FNDC3B: variants seen among roughly 807,000 people sequenced by gnomAD.
FNDC3B encodes the protein fibronectin type III domain containing 3B.
In FNDC3B, 12 loss-of-function variants were observed where a neutral mutation model predicts 151.5. The observed-to-expected ratio is 0.08, with a 90% confidence interval of 0.05 to 0.13. The LOEUF (loss-of-function observed/expected upper bound fraction) is 0.13. FNDC3B is among the 10% of genes least tolerant of loss of function. The pLI is 1.00. For missense variants in FNDC3B, 1,214 were observed against 1,505.3 expected (o/e 0.81, Z 3.20); for synonymous variants, 528 against 549.0 (o/e 0.96, Z 0.54).
At chr3:172,070,328 A>G (rs1266851243) in intron 1 of FNDC3B, among the ~76,000 whole-genome samples, 1 of 152,190 alleles carries the variant, frequency 6.6e-6, no homozygotes, top group Non-Finnish European at 1.5e-5. Context: ...AATAGGGTAC[A>G]TCTTGGACTC....
chr3:172,253,008 A>G (rs978130333), intron 6 of FNDC3B, among the ~76,000 whole-genome samples: 5 of 152,220 alleles, frequency 3.3e-5, no homozygotes, highest in African/African-American at 1.2e-4. Context: ...ACTATACAAG[A>G]ACTCATACTA....
chr3:172,265,393 T>C (rs1180771498), intron 6 of FNDC3B, among the ~76,000 whole-genome samples: 1 of 152,174 alleles, frequency 6.6e-6, no homozygotes. Flanking sequence ...GCTAGGATGT[T>C]TTTTGCAAAT....
intron 3 of FNDC3B, among the ~76,000 whole-genome samples, chr3:172,157,804 G>T (rs1485408946): frequency 6.6e-6 from 1 of 152,174 alleles, no homozygotes; most frequent in African/African-American, 2.4e-5. Flanking sequence ...TTCTGGCTTT[G>T]CTTGAACATG....
At chr3:172,304,100 T>A (rs1435446338) in intron 9 of FNDC3B, among the ~76,000 whole-genome samples, 11 of 152,204 alleles carry the variant, frequency 7.2e-5, no homozygotes, top group Admixed American at 7.2e-4. Flanking sequence ...TTTACTTTTA[T>A]CCTCACTGCC....
intron 14 of FNDC3B, among the ~76,000 whole-genome samples, chr3:172,334,286 C>T (rs1732836226): frequency 6.6e-6 from 1 of 151,668 alleles, no homozygotes; most frequent in Admixed American, 6.6e-5. Flanking sequence ...GTGGCATTGC[C>T]CTACGCTTTA....
intron 6 of FNDC3B, among the ~76,000 whole-genome samples, chr3:172,262,894 CAAAAAAAA>C (rs67891835): frequency 1.6e-5 from 1 of 60,636 alleles, no homozygotes; most frequent in African/African-American, 6.4e-5. Context: ...GAGACCGACT[CAAAAAAAA>C]AAAAAAAAAA....
At chr3:172,078,535 T>C (rs1718134497) in intron 1 of FNDC3B, among the ~76,000 whole-genome samples, 1 of 152,240 alleles carries the variant, frequency 6.6e-6, no homozygotes, top group South Asian at 2.1e-4. Flanking sequence ...GACTGCAGAA[T>C]GTATTCCTTA....
chr3:172,316,067 G>T (rs370925324), intron 11 of FNDC3B, among the ~76,000 whole-genome samples: 3 of 145,492 alleles, frequency 2.1e-5, no homozygotes, highest in African/African-American at 7.5e-5. Flanking sequence ...GAGTGCAACG[G>T]CACAATCTCA....
At chr3:172,304,883 C>T (rs1201753579) in intron 9 of FNDC3B, among the ~76,000 whole-genome samples, 10 of 140,480 alleles carry the variant, frequency 7.1e-5, no homozygotes, top group South Asian at 2.2e-4. Flanking sequence ...GGCGACAGAG[C>T]GAGACTTCAT....
intron 8 of FNDC3B, among the ~76,000 whole-genome samples, chr3:172,296,707 T>TG (rs34259257): frequency 0.3 from 45,134 of 152,054 alleles, 6,838 homozygotes; most frequent in Admixed American, 0.35. Context: ...CAGAGTGCCA[T>TG]GTCCCCCATG....
At chr3:172,215,386 T>C (rs1725923308) in intron 3 of FNDC3B, among the ~76,000 whole-genome samples, 1 of 152,218 alleles carries the variant, frequency 6.6e-6, no homozygotes. Context: ...TAACTCTTCC[T>C]AAGAGCAGAG....
chr3:172,324,087 C>T (rs943934916), intron 11 of FNDC3B, among the ~76,000 whole-genome samples: 1 of 152,048 alleles, frequency 6.6e-6, no homozygotes, highest in Non-Finnish European at 1.5e-5. Flanking sequence ...GACAGGTTTG[C>T]GCAAGGCACA....
chr3:172,045,782 C>CTATA (rs1296161106), intron 1 of FNDC3B, among the ~76,000 whole-genome samples: 3 of 151,154 alleles, frequency 2.0e-5, no homozygotes, highest in African/African-American at 7.4e-5. Context: ...CTCTCTCTCT[C>CTATA]TCTCTCTCTC....
At chr3:172,163,488 A>G (rs1722876230) in intron 3 of FNDC3B, among the ~76,000 whole-genome samples, 1 of 152,110 alleles carries the variant, frequency 6.6e-6, no homozygotes, top group Non-Finnish European at 1.5e-5. Flanking sequence ...GTTTTACTGT[A>G]TGTACAAACA....
intron 3 of FNDC3B, among the ~76,000 whole-genome samples, chr3:172,185,491 G>T (rs941221650): frequency 6.6e-6 from 1 of 152,180 alleles, no homozygotes; most frequent in Non-Finnish European, 1.5e-5. Flanking sequence ...GGAAGATAGA[G>T]ACATTGAGTT....
chr3:172,193,472 C>T (rs888608812), intron 3 of FNDC3B, among the ~76,000 whole-genome samples: 1 of 149,600 alleles, frequency 6.7e-6, no homozygotes, highest in Non-Finnish European at 1.5e-5. Flanking sequence ...TTTAGTAGAC[C>T]AGTTACTTTG....
At chr3:172,388,816 C>T (rs1019210056) in intron 25 of FNDC3B, among the ~76,000 whole-genome samples, 3 of 152,178 alleles carry the variant, frequency 2.0e-5, no homozygotes, top group African/African-American at 7.2e-5. Context: ...TGGAGTGTTA[C>T]ACATGATTTC....
chr3:172,316,422 A>G (rs1480322670), intron 11 of FNDC3B: 2 of 456,050 alleles, frequency 4.4e-6, no homozygotes, highest in Non-Finnish European at 8.8e-6. Context: ...TTTTAGGAAA[A>G]AAAAAACTAG....
chr3:172,310,773 C>T, intron 10 of FNDC3B, 55 bp from the exon 11 acceptor site: 2 of 1,321,520 alleles, frequency 1.5e-6, no homozygotes, highest in Non-Finnish European at 2.2e-6. Context: ...GTGGGTAACT[C>T]ATAAGTTTTG....
Sources: gnomAD v4.1 joint callset for allele counts (sites outside exome capture counted in the v4.1 genomes callset) on GRCh38, gnomAD v4.1.1 for gene constraint, MANE v1.5 for transcripts, NCBI Gene and HGNC (gene_info 2026-07-23, HGNC 2026-07-21) for gene names.